The following NLGN1 variants were observed in gnomAD, a reference collection of about 807,000 sequenced individuals.
The protein encoded by NLGN1 is neuroligin 1.
NLGN1 carries 12 observed loss-of-function variants against 65.5 expected under a neutral mutation model. That is an observed-to-expected ratio of 0.18 (90% confidence interval 0.12 to 0.30). The LOEUF is 0.30. Among genes scored for constraint, NLGN1 ranks in the 10% least tolerant of loss-of-function variants. The pLI, the probability that NLGN1 is intolerant of heterozygous loss-of-function variation, is 1.00. For missense variants in NLGN1, 750 were observed against 1,007.1 expected (o/e 0.74, Z 3.46); for synonymous variants, 350 against 359.5 (o/e 0.97, Z 0.30).
intron 3 of NLGN1, among the ~76,000 whole-genome samples, chr3:173,638,589 T>C (rs570071539): frequency 1.3e-5 from 2 of 152,174 alleles, no homozygotes; most frequent in Non-Finnish European, 2.9e-5. Context: ...TTGTCTTTTG[T>C]AAAATGTACG....
At chr3:174,275,886 G>T (rs1464686816) in intron 5 of NLGN1, among the ~76,000 whole-genome samples, 1 of 151,840 alleles carries the variant, frequency 6.6e-6, no homozygotes, top group Non-Finnish European at 1.5e-5. Context: ...CTTTTTACAT[G>T]CAGGGATTGT....
chr3:173,466,853 A>C (rs1459932510), intron 2 of NLGN1, among the ~76,000 whole-genome samples: 1 of 152,176 alleles, frequency 6.6e-6, no homozygotes, highest in Non-Finnish European at 1.5e-5. Flanking sequence ...TGTTTCATTT[A>C]AGTGAATTTT....
At chr3:173,743,436 C>T (rs1024082373) in intron 3 of NLGN1, among the ~76,000 whole-genome samples, 2 of 152,134 alleles carry the variant, frequency 1.3e-5, no homozygotes, top group Non-Finnish European at 2.9e-5. Context: ...CTTCTTTGAA[C>T]AGCTGCTACT....
chr3:173,692,258 A>G (rs1370192030), intron 3 of NLGN1, among the ~76,000 whole-genome samples: 3 of 152,154 alleles, frequency 2.0e-5, no homozygotes, highest in Admixed American at 6.5e-5. Context: ...ATGTTATGAC[A>G]TCGCTTACTT....
exon 7 of NLGN1, chr3:174,286,134 A>G (rs1186074783): frequency 6.6e-6 from 1 of 151,384 alleles, no homozygotes; most frequent in African/African-American, 2.4e-5. Context: ...TTTTCTAGTC[A>G]GCTATTACGT....
At chr3:173,838,956 T>C (rs1377321855) in intron 4 of NLGN1, among the ~76,000 whole-genome samples, 1 of 152,208 alleles carries the variant, frequency 6.6e-6, no homozygotes, top group Non-Finnish European at 1.5e-5. Context: ...CAGTTCAAGA[T>C]GCTGGAATGT....
intron 2 of NLGN1, among the ~76,000 whole-genome samples, chr3:173,543,521 G>A (rs189812985): frequency 2.6e-5 from 4 of 152,170 alleles, no homozygotes; most frequent in East Asian, 1.9e-4. Context: ...TGATGATTCC[G>A]ACAGTGTCCA....
chr3:173,901,085 C>A (rs1410386482), intron 4 of NLGN1, among the ~76,000 whole-genome samples: 1 of 151,828 alleles, frequency 6.6e-6, no homozygotes, highest in Non-Finnish European at 1.5e-5. Context: ...TTTAAATAAT[C>A]TTTACTTAAT....
intron 4 of NLGN1, among the ~76,000 whole-genome samples, chr3:173,969,909 G>A (rs1231339314): frequency 1.3e-5 from 2 of 149,860 alleles, no homozygotes; most frequent in African/African-American, 4.9e-5. Context: ...AAGATATTTG[G>A]GCTTAAAAAA....
At chr3:174,037,225 A>G (rs1353122765) in intron 4 of NLGN1, among the ~76,000 whole-genome samples, 1 of 152,190 alleles carries the variant, frequency 6.6e-6, no homozygotes, top group Admixed American at 6.5e-5. Flanking sequence ...CCAACAATGT[A>G]TAAGTGTTCC....
At chr3:174,278,885 A>G (rs1323438501) in exon 6 of NLGN1, 1 of 1,494,766 alleles carries the variant, frequency 6.7e-7, no homozygotes, top group Non-Finnish European at 8.9e-7. Flanking sequence ...GCAATAGCTC[A>G]AAGTGGAACA....
At chr3:174,007,863 G>C (rs936106977) in intron 4 of NLGN1, among the ~76,000 whole-genome samples, 1 of 151,998 alleles carries the variant, frequency 6.6e-6, no homozygotes, top group African/African-American at 2.4e-5. Flanking sequence ...GCACAAACAT[G>C]ATGAGGCTGG....
intron 4 of NLGN1, among the ~76,000 whole-genome samples, chr3:174,194,619 TA>T: frequency 6.6e-6 from 1 of 151,822 alleles, no homozygotes; most frequent in Non-Finnish European, 1.5e-5. Flanking sequence ...ATTGTTTTGA[TA>T]AATATAGTTA....
chr3:173,634,691 T>G (rs936802505), intron 3 of NLGN1, among the ~76,000 whole-genome samples: 1 of 152,114 alleles, frequency 6.6e-6, no homozygotes, highest in African/African-American at 2.4e-5. Context: ...TATAATTGAG[T>G]CTATTTACTG....
At chr3:173,794,230 G>T (rs1414586029) in intron 3 of NLGN1, among the ~76,000 whole-genome samples, 2 of 152,054 alleles carry the variant, frequency 1.3e-5, no homozygotes, top group Non-Finnish European at 2.9e-5. Flanking sequence ...ATAGCACCAA[G>T]ACTTTTTCCT....
chr3:173,509,024 T>C (rs757069640), intron 2 of NLGN1, among the ~76,000 whole-genome samples: 3 of 152,104 alleles, frequency 2.0e-5, no homozygotes, highest in Non-Finnish European at 2.9e-5. Context: ...AGTTCCATCA[T>C]CCCAAGTCCA....
chr3:173,451,406 A>T (rs1304665860), intron 2 of NLGN1, among the ~76,000 whole-genome samples: 1 of 152,090 alleles, frequency 6.6e-6, no homozygotes, highest in African/African-American at 2.4e-5. Context: ...CTGCTGCCTG[A>T]TCGTTCCTCT....
At chr3:173,659,009 G>T (rs886425645) in intron 3 of NLGN1, among the ~76,000 whole-genome samples, 2 of 151,882 alleles carry the variant, frequency 1.3e-5, no homozygotes, top group African/African-American at 4.8e-5. Flanking sequence ...AATTGTTTTG[G>T]TCTTCTCTTT....
At chr3:173,397,493 G>C (rs1324521701), upstream of NLGN1, among the ~76,000 whole-genome samples, 3 of 152,052 alleles carry the variant, frequency 2.0e-5, no homozygotes, top group African/African-American at 7.2e-5. Context: ...TTTGTAAATT[G>C]CCCGTTTTGC....
Sources: gnomAD v4.1 joint callset for allele counts (sites outside exome capture counted in the v4.1 genomes callset) on GRCh38, gnomAD v4.1.1 for gene constraint, MANE v1.5 for transcripts, NCBI Gene and HGNC (gene_info 2026-07-23, HGNC 2026-07-21) for gene names.